The following TPD52L1 variants were observed in gnomAD, a reference collection of about 807,000 sequenced individuals.
TPD52L1 encodes tumor protein D53.
In TPD52L1, 18 loss-of-function variants were observed where a neutral mutation model predicts 28.7. The observed-to-expected ratio is 0.63, with a 90% CI of 0.43 to 0.93. The LOEUF is 0.93. Among genes scored for constraint, TPD52L1 ranks in the 40% least tolerant of loss-of-function variants. The pLI, the probability that TPD52L1 is intolerant of heterozygous loss-of-function variation, is 0.00. For missense variants in TPD52L1, 203 were observed against 254.8 expected (o/e 0.80, Z 1.39); for synonymous variants, 75 against 88.8 (o/e 0.84, Z 0.88).
intron 3 of TPD52L1, among the ~76,000 whole-genome samples, chr6:125,231,569 A>G (rs1287636865): frequency 1.3e-5 from 2 of 152,144 alleles, no homozygotes; most frequent in African/African-American, 4.8e-5. Flanking sequence ...CCCTGGGGTT[A>G]TGGAGTTTAG....
intron 3 of TPD52L1, among the ~76,000 whole-genome samples, chr6:125,231,586 G>C (rs1442129042): frequency 6.6e-6 from 1 of 151,740 alleles, no homozygotes. Context: ...TTAGAGTCTA[G>C]TTAGGAAGAC....
At chr6:125,156,640 C>A (rs62431435) in intron 1 of TPD52L1, among the ~76,000 whole-genome samples, 3,892 of 151,938 alleles carry the variant, frequency 0.026, 84 homozygotes, top group Middle Eastern at 0.051. Flanking sequence ...TGTGGTGGTG[C>A]GTGCCTGTAT....
chr6:125,242,977 G>T (rs1455637487), intron 3 of TPD52L1, among the ~76,000 whole-genome samples: 1 of 152,150 alleles, frequency 6.6e-6, no homozygotes, highest in African/African-American at 2.4e-5. Context: ...AGCATTTCTT[G>T]TCAGGCTGGC....
At chr6:125,208,088 G>A (rs1354172102) in intron 1 of TPD52L1, among the ~76,000 whole-genome samples, 1 of 152,180 alleles carries the variant, frequency 6.6e-6, no homozygotes, top group Non-Finnish European at 1.5e-5. Context: ...CAGAGTCAGG[G>A]CAGTTCCTTT....
intron 6 of TPD52L1, 97 bp downstream of exon 6, chr6:125,257,255 G>A: frequency 1.0e-6 from 1 of 972,746 alleles, no homozygotes; most frequent in Non-Finnish European, 1.6e-6. Context: ...GGCCAAGAAG[G>A]CAGGCTTGCA....
chr6:125,200,723 A>C (rs972552717), intron 1 of TPD52L1, among the ~76,000 whole-genome samples: 7 of 152,216 alleles, frequency 4.6e-5, no homozygotes, highest in African/African-American at 9.6e-5. Context: ...TGATGCAGTA[A>C]CTTGATTTTT....
At chr6:125,220,854 C>G (rs1012111402) in intron 2 of TPD52L1, among the ~76,000 whole-genome samples, 1 of 152,170 alleles carries the variant, frequency 6.6e-6, no homozygotes, top group African/African-American at 2.4e-5. Flanking sequence ...GCTGACAAGC[C>G]TTTACTTTCT....
rs529705258 is a variant in TPD52L1, at chr6:125,194,208, T to A, written c.20-25870T>A. 2.0e-5 allele frequency among the ~76,000 whole-genome samples: 3 copies of A among 152,172 alleles called. No individual in the cohort carries two copies. In the East Asian group the frequency reaches 5.8e-4, roughly 29 times the overall value. ...TTCCATTTCCTTTGGAAGCGTCTAG[T>A]TTGCAATAAATTAGAAATGCCAGCT... On this transcript the variant is annotated intron_variant, in intron 1 of 6. Transcript: ENST00000534000.
At chr6:125,203,768 C>A (rs2114906919) in intron 1 of TPD52L1, 1 of 985,438 alleles carries the variant, frequency 1.0e-6, no homozygotes, top group East Asian at 1.1e-4. Flanking sequence ...CTGGAGGAAC[C>A]ACCCCATCTG....
chr6:125,223,298 A>G (rs1295976027), intron 2 of TPD52L1, among the ~76,000 whole-genome samples: 1 of 152,154 alleles, frequency 6.6e-6, no homozygotes, highest in Non-Finnish European at 1.5e-5. Context: ...CACAGCCAAC[A>G]TATTTTTGTG....
intron 4 of TPD52L1, among the ~76,000 whole-genome samples, chr6:125,251,678 C>T (rs942504953): frequency 1.3e-5 from 2 of 152,038 alleles, no homozygotes; most frequent in East Asian, 1.9e-4. Context: ...GAAATCCAAG[C>T]GGTTGGAATC....
At position 125,264,145 on chromosome 6, in the gene TPD52L1, T is replaced by C. The variant is rs1008214962; in HGVS notation, c.*1183T>C. The C allele has an allele frequency of 2.0e-5, 3 of 152,230 alleles. No homozygotes were observed. The highest frequency in any genetic ancestry group is 7.2e-5 in the African/African-American group (3 of 41,466). The allele number at this position is 152,230 out of a possible 1,614,324, so 9.4% of individuals were successfully genotyped here. ...CCACTCAGATTTCTGCACTAACTTT[T>C]ATCTTATATATCATATGTATCTCTT... On this transcript the variant is annotated 3_prime_UTR_variant, in exon 7 of 7. Coordinates refer to ENST00000534000, the MANE Select transcript of TPD52L1 (RefSeq NM_003287.4).
intron 1 of TPD52L1, among the ~76,000 whole-genome samples, chr6:125,198,202 A>G (rs923710204): frequency 6.6e-6 from 1 of 152,202 alleles, no homozygotes. Flanking sequence ...CAGCAGGAAC[A>G]ACCCAAGAGG....
intron 2 of TPD52L1, among the ~76,000 whole-genome samples, chr6:125,227,976 C>T (rs1795714456): frequency 6.6e-6 from 1 of 152,164 alleles, no homozygotes; most frequent in South Asian, 2.1e-4. Context: ...TGCCCTTCAA[C>T]AGGCAAATAA....
At chr6:125,157,201 C>G (rs567995704) in intron 1 of TPD52L1, among the ~76,000 whole-genome samples, 7 of 152,090 alleles carry the variant, frequency 4.6e-5, no homozygotes, top group Admixed American at 2.0e-4. Context: ...AATCTAGAGA[C>G]AGGTAAAGAT....
chr6:125,170,912 C>T (rs1332952682), intron 1 of TPD52L1, among the ~76,000 whole-genome samples: 2 of 152,080 alleles, frequency 1.3e-5, no homozygotes, highest in Non-Finnish European at 2.9e-5. Context: ...ACTCCAGAAT[C>T]CCCTTTCCAA....
intron 1 of TPD52L1, among the ~76,000 whole-genome samples, chr6:125,190,757 G>T (rs1792980392): frequency 6.6e-6 from 1 of 152,146 alleles, no homozygotes; most frequent in Middle Eastern, 3.4e-3. Context: ...TTACAATAGG[G>T]TTCGCACTCC....
intron 1 of TPD52L1, among the ~76,000 whole-genome samples, chr6:125,170,940 A>G (rs1317865206): frequency 2.0e-5 from 3 of 152,138 alleles, no homozygotes; most frequent in African/African-American, 7.2e-5. Context: ...TGAGAGTGTT[A>G]CCAGGCATCC....
At chr6:125,252,246 T>C (rs1251775607) in intron 4 of TPD52L1, 1 of 527,528 alleles carries the variant, frequency 1.9e-6, no homozygotes, top group African/African-American at 1.9e-5. Flanking sequence ...TCTGAATCAT[T>C]TACACCATTT....
Sources: gnomAD v4.1 joint callset for allele counts (sites outside exome capture counted in the v4.1 genomes callset) on GRCh38, gnomAD v4.1.1 for gene constraint, MANE v1.5 for transcripts, NCBI Gene and HGNC (gene_info 2026-07-23, HGNC 2026-07-21) for gene names.